SPIDR: variants seen among roughly 807,000 people sequenced by gnomAD.
The protein encoded by SPIDR is DNA repair-scaffolding protein.
Under a neutral mutation model 104.6 loss-of-function variants are expected in SPIDR, and 93 were observed. The observed-to-expected ratio is 0.89, with a 90% CI of 0.75 to 1.06. SPIDR has a LOEUF of 1.06. SPIDR is among the 50% of genes least tolerant of loss of function. SPIDR has a pLI of 0.00. For synonymous variants in SPIDR, 431 were observed against 416.9 expected (o/e 1.03, Z -0.41); for missense variants, 1,154 against 1,111.2 (o/e 1.04, Z -0.55).
chr8:47,586,424 A>G (rs2060257847), intron 8 of SPIDR, among the ~76,000 whole-genome samples: 1 of 152,126 alleles, frequency 6.6e-6, no homozygotes, highest in Non-Finnish European at 1.5e-5. Flanking sequence ...TGTTGATATT[A>G]TGTTTTGTTT....
At chr8:47,713,834 A>G (rs1252334727) in intron 16 of SPIDR, among the ~76,000 whole-genome samples, 193 bp downstream of exon 16, 1 of 152,178 alleles carries the variant, frequency 6.6e-6, no homozygotes, top group African/African-American at 2.4e-5. Context: ...GAATCAGACG[A>G]ACACAGACAG....
chr8:47,282,445 A>G (rs2037978332), intron 2 of SPIDR, among the ~76,000 whole-genome samples: 1 of 152,218 alleles, frequency 6.6e-6, no homozygotes, highest in Non-Finnish European at 1.5e-5. Flanking sequence ...GATCTTCTGG[A>G]TCACTTCCTG....
intron 5 of SPIDR, among the ~76,000 whole-genome samples, chr8:47,389,853 G>A (rs868950213): frequency 1.1e-4 from 17 of 152,052 alleles, no homozygotes; most frequent in African/African-American, 4.1e-4. Flanking sequence ...TGTATACCGG[G>A]TCTTTCTTCT....
Position 47,440,411 on chromosome 8 carries a change from G to A in SPIDR, c.966G>A (p.Gly322=), listed in dbSNP as rs782300923. 1 of 1,614,200 alleles carries A rather than the reference G, an allele frequency of 6.2e-7. No individual in the cohort carries two copies. Among genetic ancestry groups the A allele is most frequent in the Admixed American group, 1.7e-5 (1 of 60,022 alleles). ...MQVAMCEQLL[G]SPATSSSQSV... ...TTGCCATGTGTGAGCAGTTATTGGG[G>A]TCACCAGCCACCAGCTCCTCCCAAA... The change falls in exon 8 of 20, where the codon GGG becomes GGA. Residue 322 remains glycine, a synonymous_variant. Transcript: ENST00000297423.
At chr8:47,347,111 G>C (rs1224573645) in intron 5 of SPIDR, among the ~76,000 whole-genome samples, 2 of 152,176 alleles carry the variant, frequency 1.3e-5, no homozygotes, top group African/African-American at 2.4e-5. Flanking sequence ...TCTACACACT[G>C]CTTTAAATGT....
intron 8 of SPIDR, among the ~76,000 whole-genome samples, chr8:47,541,482 T>G (rs2088122947): frequency 6.6e-6 from 1 of 152,260 alleles, no homozygotes; most frequent in Non-Finnish European, 1.5e-5. Context: ...GTAGGTGATT[T>G]TCCTTTATGT....
At chr8:47,420,560 C>T (rs562111308) in intron 7 of SPIDR, among the ~76,000 whole-genome samples, 33 of 152,296 alleles carry the variant, frequency 2.2e-4, no homozygotes, top group Admixed American at 2.0e-4. Flanking sequence ...GGTCTTGACT[C>T]TTTATCCAAT....
chr8:47,459,604 T>C (rs2073599542), intron 8 of SPIDR, among the ~76,000 whole-genome samples: 2 of 152,122 alleles, frequency 1.3e-5, no homozygotes, highest in Admixed American at 1.3e-4. Context: ...TTATCGTTTG[T>C]ATTTTTTTTG....
intron 8 of SPIDR, among the ~76,000 whole-genome samples, chr8:47,579,479 C>T (rs183574486): frequency 1.2e-3 from 186 of 152,234 alleles, no homozygotes; most frequent in African/African-American, 4.3e-3. Flanking sequence ...GTCATGCAAC[C>T]CAGGAACTGC....
chr8:47,668,858 A>G (rs561254217), intron 10 of SPIDR, among the ~76,000 whole-genome samples: 2 of 152,308 alleles, frequency 1.3e-5, no homozygotes, highest in East Asian at 1.9e-4. Context: ...ACACAAAACC[A>G]TAGACAGTCT....
At chr8:47,424,993 G>A (rs562199376) in intron 7 of SPIDR, among the ~76,000 whole-genome samples, 1 of 152,234 alleles carries the variant, frequency 6.6e-6, no homozygotes, top group South Asian at 2.1e-4. Context: ...CTATTCTTAA[G>A]CAAGATACTT....
At chr8:47,679,099 C>T (rs941132653) in intron 11 of SPIDR, among the ~76,000 whole-genome samples, 24 of 152,214 alleles carry the variant, frequency 1.6e-4, no homozygotes, top group Admixed American at 2.6e-4. Flanking sequence ...GCAACCACCA[C>T]CAGGGTGCCC....
intron 5 of SPIDR, among the ~76,000 whole-genome samples, chr8:47,395,869 AATT>A (rs1412964302): frequency 5.3e-5 from 8 of 152,210 alleles, no homozygotes; most frequent in Admixed American, 5.2e-4. Context: ...TCTGGAAAAT[AATT>A]ATATAATTGT....
intron 8 of SPIDR, among the ~76,000 whole-genome samples, chr8:47,509,668 T>A (rs545570110): frequency 6.6e-6 from 1 of 152,308 alleles, no homozygotes; most frequent in South Asian, 2.1e-4. Flanking sequence ...TACTTCCTCT[T>A]TAGATAACTG....
intron 8 of SPIDR, among the ~76,000 whole-genome samples, chr8:47,573,932 A>C (rs902999930): frequency 2.0e-5 from 3 of 152,226 alleles, no homozygotes; most frequent in Admixed American, 6.5e-5. Context: ...AGCGTCATTC[A>C]AGAGAAATTA....
chr8:47,356,898 A>G (rs183394007), intron 5 of SPIDR, among the ~76,000 whole-genome samples: 61 of 152,266 alleles, frequency 4.0e-4, no homozygotes, highest in Admixed American at 9.8e-4. Context: ...TGCAGAATCT[A>G]TTTTACACAT....
chr8:47,312,836 A>T (rs1273852298), intron 5 of SPIDR, among the ~76,000 whole-genome samples: 12 of 152,162 alleles, frequency 7.9e-5, no homozygotes, highest in African/African-American at 2.4e-4. Flanking sequence ...GTTTTCTTCT[A>T]GGGTTTTTAT....
At chr8:47,681,262 T>C (rs527662035) in intron 11 of SPIDR, among the ~76,000 whole-genome samples, 1 of 152,370 alleles carries the variant, frequency 6.6e-6, no homozygotes, top group Admixed American at 6.5e-5. Context: ...AGTCAAAATT[T>C]AATTTTATTG....
chr8:47,399,134 G>A (rs2061564252), intron 6 of SPIDR, among the ~76,000 whole-genome samples: 1 of 152,216 alleles, frequency 6.6e-6, no homozygotes, highest in African/African-American at 2.4e-5. Context: ...TATTTTAAAG[G>A]TGATAGAAAT....
Sources: allele counts gnomAD v4.1 joint callset (sites outside exome capture counted in the v4.1 genomes callset), GRCh38; gene constraint gnomAD v4.1.1; transcripts MANE v1.5; gene names NCBI Gene and HGNC (gene_info 2026-07-23, HGNC 2026-07-21).